The following KLRG1 variants were observed in gnomAD, a reference collection of about 807,000 sequenced individuals.
The protein encoded by KLRG1 is killer cell lectin like receptor G1, also known as killer cell lectin-like receptor subfamily G member 1.
A neutral mutation model predicts 21.8 loss-of-function variants in KLRG1; 16 were observed. That is an observed-to-expected ratio of 0.73 (90% CI 0.50 to 1.11). The LOEUF (loss-of-function observed/expected upper bound fraction) is 1.11. Among genes scored for constraint, KLRG1 ranks in the 50% most tolerant of loss-of-function variants. The pLI is 0.00. For synonymous variants in KLRG1, 69 were observed against 75.9 expected, an observed-to-expected ratio of 0.91 and a Z score of 0.47; for missense variants, 173 against 218.3, an observed-to-expected ratio of 0.79 and a Z score of 1.31.
the KLRG1 span, among the ~76,000 whole-genome samples, chr12:9,062,593 CATA>C: frequency 0.26 from 37,777 of 145,576 alleles, 5,943 homozygotes; most frequent in Non-Finnish European, 0.34. Context: ...TATATATATA[CATA>C]ATAAATACAT....
chr12:9,119,034 T>C, the KLRG1 span, among the ~76,000 whole-genome samples: 2 of 151,770 alleles, frequency 1.3e-5, no homozygotes, highest in Non-Finnish European at 2.9e-5. Flanking sequence ...GGCAGGAGAG[T>C]GTGAGGTCTC....
chr12:9,157,555 C>A, the KLRG1 span, among the ~76,000 whole-genome samples: 1 of 152,000 alleles, frequency 6.6e-6, no homozygotes, highest in Non-Finnish European at 1.5e-5. Flanking sequence ...ACTAGAGAAC[C>A]TGTTTTTAGG....
the KLRG1 span, chr12:9,201,202 A>C: frequency 7.5e-7 from 1 of 1,341,618 alleles, no homozygotes; most frequent in Non-Finnish European, 1.0e-6. Context: ...CAACCTGACA[A>C]CTGGGAGTAG....
At chr12:8,974,529 A>C (rs1457492132) in intron 1 of KLRG1, among the ~76,000 whole-genome samples, 1 of 152,066 alleles carries the variant, frequency 6.6e-6, no homozygotes, top group Non-Finnish European at 1.5e-5. Context: ...GGTTTTTATT[A>C]TATTGAGGTA....
At chr12:9,070,444 A>T in the KLRG1 span, 9 of 1,286,220 alleles carry the variant, frequency 7.0e-6, no homozygotes, top group Non-Finnish European at 1.0e-5. Flanking sequence ...GGATACATAC[A>T]TCATTAAATA....
the KLRG1 span, chr12:9,181,926 T>C: frequency 1.1e-5 from 17 of 1,584,710 alleles, no homozygotes; most frequent in Non-Finnish European, 1.5e-5. Context: ...AGATGGCACC[T>C]ACAGTATCAT....
intron 1 of KLRG1, among the ~76,000 whole-genome samples, chr12:8,975,788 C>G (rs1946648605): frequency 6.6e-6 from 1 of 152,172 alleles, no homozygotes; most frequent in Non-Finnish European, 1.5e-5. Flanking sequence ...TCTTGAACTC[C>G]TGACCTCAGG....
chr12:8,970,509 G>T (rs772300059), intron 1 of KLRG1: 1 of 152,270 alleles, frequency 6.6e-6, no homozygotes, highest in East Asian at 1.9e-4. Flanking sequence ...AAAGCTTTGG[G>T]CCCAGATGGC....
chr12:9,157,832 C>G, the KLRG1 span: 4 of 1,613,154 alleles, frequency 2.5e-6, no homozygotes, highest in East Asian at 8.9e-5. Context: ...GCTTCATCTT[C>G]TACACCTCCC....
chr12:9,077,034 G>T, the KLRG1 span: 1 of 1,130,018 alleles, frequency 8.8e-7, no homozygotes, highest in Non-Finnish European at 1.2e-6. Context: ...TTTTTCAAAC[G>T]CATTTTTCCA....
At chr12:8,997,236 G>A (rs976304164) in intron 3 of KLRG1, among the ~76,000 whole-genome samples, 1 of 152,178 alleles carries the variant, frequency 6.6e-6, no homozygotes. Flanking sequence ...CAGTGCTGGA[G>A]AGGGCGGAAT....
chr12:9,001,336 G>A (rs11048434), intron 3 of KLRG1, among the ~76,000 whole-genome samples: 43,878 of 152,034 alleles, frequency 0.29, 7,404 homozygotes, highest in East Asian at 0.4. Flanking sequence ...TTTAAAATAT[G>A]AGACTGTAGG....
intron 1 of KLRG1, among the ~76,000 whole-genome samples, chr12:8,963,529 C>G (rs1235523546): frequency 6.6e-6 from 1 of 152,150 alleles, no homozygotes; most frequent in African/African-American, 2.4e-5. Context: ...GCTTTGGTAT[C>G]AGGATGATGC....
intron 3 of KLRG1, among the ~76,000 whole-genome samples, chr12:9,006,094 TGTTCC>T (rs1947463714): frequency 6.6e-6 from 1 of 152,214 alleles, no homozygotes; most frequent in African/African-American, 2.4e-5. Context: ...GGATTTTGAA[TGTTCC>T]CAACACAAAG....
chr12:8,998,137 T>C (rs1234571894), intron 3 of KLRG1, among the ~76,000 whole-genome samples: 1 of 152,144 alleles, frequency 6.6e-6, no homozygotes, highest in Non-Finnish European at 1.5e-5. Context: ...GAGACCAGCC[T>C]GGCTAACATG....
At chr12:9,162,433 C>T in the KLRG1 span, 1 of 600,770 alleles carries the variant, frequency 1.7e-6, no homozygotes, top group Non-Finnish European at 2.9e-6. Flanking sequence ...CTCTTGGGCT[C>T]AATGTCTTCA....
At chr12:9,016,898 A>C in the KLRG1 span, among the ~76,000 whole-genome samples, 1 of 152,120 alleles carries the variant, frequency 6.6e-6, no homozygotes, top group Non-Finnish European at 1.5e-5. Context: ...ACAGGCGTGA[A>C]ACACTGTGCC....
At chr12:9,207,252 G>A in the KLRG1 span, among the ~76,000 whole-genome samples, 7 of 152,320 alleles carry the variant, frequency 4.6e-5, no homozygotes, top group Admixed American at 1.3e-4. Context: ...CAGGAGACAC[G>A]ATAGGCATCT....
the KLRG1 span, among the ~76,000 whole-genome samples, chr12:9,209,237 A>G: frequency 6.6e-6 from 1 of 152,112 alleles, no homozygotes; most frequent in Non-Finnish European, 1.5e-5. Flanking sequence ...TACATACTGT[A>G]TTGCTTGAAA....
Sources: gnomAD v4.1 joint callset for allele counts (sites outside exome capture counted in the v4.1 genomes callset) on GRCh38, gnomAD v4.1.1 for gene constraint, MANE v1.5 for transcripts, NCBI Gene and HGNC (gene_info 2026-07-23, HGNC 2026-07-21) for gene names.